TTLL11: variants seen among roughly 807,000 people sequenced by gnomAD.
The protein encoded by TTLL11 is tubulin polyglutamylase TTLL11.
TTLL11 carries 42 observed loss-of-function variants against 51.7 expected under a neutral mutation model. That is an observed-to-expected ratio of 0.81 (90% CI 0.64 to 1.05). The LOEUF (loss-of-function observed/expected upper bound fraction) is 1.05. TTLL11 is among the 50% of genes least tolerant of loss of function. The pLI is 0.00. For missense variants in TTLL11, 799 were observed against 940.4 expected, an observed-to-expected ratio of 0.85 and a Z score of 1.97; for synonymous variants, 381 against 383.5, an observed-to-expected ratio of 0.99 and a Z score of 0.08.
chr9:121,922,715 T>C (rs1356961322), intron 6 of TTLL11, among the ~76,000 whole-genome samples: 1 of 151,784 alleles, frequency 6.6e-6, no homozygotes, highest in Admixed American at 6.6e-5. Flanking sequence ...AACCTAGTCA[T>C]GTCCAAAAAG....
At chr9:121,954,640 A>C (rs1363559359) in intron 6 of TTLL11, among the ~76,000 whole-genome samples, 3 of 151,636 alleles carry the variant, frequency 2.0e-5, no homozygotes, top group Non-Finnish European at 4.4e-5. Context: ...GAGACTGTCA[A>C]GAACACATTC....
intron 2 of TTLL11, among the ~76,000 whole-genome samples, chr9:122,033,606 A>G (rs1844621264): frequency 6.6e-6 from 1 of 152,206 alleles, no homozygotes; most frequent in South Asian, 2.1e-4. Context: ...GGGCAGTCAG[A>G]ATGAATGAGT....
chr9:121,929,779 C>T (rs1350812890), intron 6 of TTLL11, among the ~76,000 whole-genome samples: 2 of 152,202 alleles, frequency 1.3e-5, no homozygotes, highest in Non-Finnish European at 2.9e-5. Context: ...CGGCCCTCTG[C>T]CCCTCTCCAG....
chr9:121,839,823 A>G (rs7039561), intron 8 of TTLL11, among the ~76,000 whole-genome samples: 105,974 of 152,042 alleles, frequency 0.7, 37,818 homozygotes, highest in African/African-American at 0.85. Flanking sequence ...AGGGCAGAGC[A>G]GTGCCCACTC....
chr9:122,045,374 G>A lies in TTLL11; in HGVS notation c.463-6006C>T, dbSNP rs554721185. Reference sequence around the variant, plus strand: ...TCAAGATCAGCCTGGCCAACATGGCGAAACTCTGTCTCTACTACAAATACA... The same window carrying A: ...TCAAGATCAGCCTGGCCAACATGGCAAAACTCTGTCTCTACTACAAATACA... On this transcript the variant is annotated intron_variant, in intron 1 of 8. Transcript: ENST00000321582. 1.5e-4 allele frequency among the ~76,000 whole-genome samples: 23 copies of A among 152,168 alleles called. 1 individual carries two copies. The South Asian group carries it at 3.9e-3, about 26-fold the overall frequency.
In TTLL11 at chr9:121,870,562, A is replaced by G; in HGVS notation, c.1668T>C (p.Phe556=). ...LRLVDRMANL[F]IRFLGIKGTM... ...TCCCCTTGATGCCCAGGAACCGGAT[A>G]AACAAATTTGCCATCCTGTCCACCA... Residue 556 remains phenylalanine (F), a synonymous_variant, in exon 7 of 9, where the codon TTT becomes TTC. Coordinates refer to ENST00000321582, the MANE Select transcript of TTLL11 (RefSeq NM_001139442.2). 6.4e-7 allele frequency: 1 copy of G among 1,551,716 alleles called. No homozygotes were observed. The highest frequency in any genetic ancestry group is 1.2e-5 in the South Asian group (1 of 84,054).
chr9:121,925,702 A>AGG (rs1172775361), intron 6 of TTLL11, among the ~76,000 whole-genome samples: 1 of 152,188 alleles, frequency 6.6e-6, no homozygotes, highest in Non-Finnish European at 1.5e-5. Flanking sequence ...GCTGGACTGC[A>AGG]AGTCAGCAGC....
chr9:122,089,049 C>A (rs1462537121), intron 1 of TTLL11, among the ~76,000 whole-genome samples: 2 of 149,166 alleles, frequency 1.3e-5, no homozygotes. Flanking sequence ...AAAAAGGAAG[C>A]GAGATTGTGT....
At chr9:121,926,829 G>A (rs1180277581) in intron 6 of TTLL11, among the ~76,000 whole-genome samples, 1 of 152,212 alleles carries the variant, frequency 6.6e-6, no homozygotes, top group Non-Finnish European at 1.5e-5. Context: ...CATAGCTGGG[G>A]TGGCACAGAA....
intron 4 of TTLL11, among the ~76,000 whole-genome samples, chr9:121,982,634 T>G (rs1293157200): frequency 6.8e-6 from 1 of 146,860 alleles, no homozygotes; most frequent in African/African-American, 2.5e-5. Context: ...GGCAGGAGAA[T>G]CGCTTGAACC....
At chr9:122,053,735 C>T (rs539791588) in intron 1 of TTLL11, among the ~76,000 whole-genome samples, 27 of 152,252 alleles carry the variant, frequency 1.8e-4, no homozygotes, top group Non-Finnish European at 3.2e-4. Flanking sequence ...CATGGCTCCG[C>T]GTGCAAGGAC....
At chr9:122,050,028 G>A (rs1176205923) in intron 1 of TTLL11, among the ~76,000 whole-genome samples, 3 of 152,042 alleles carry the variant, frequency 2.0e-5, no homozygotes, top group Non-Finnish European at 4.4e-5. Context: ...TCATGGCTAA[G>A]GTACCAAGCG....
intron 3 of TTLL11, among the ~76,000 whole-genome samples, chr9:122,014,291 G>A (rs1216517753): frequency 6.6e-6 from 1 of 152,102 alleles, no homozygotes. Flanking sequence ...CTCGAACCCA[G>A]GAGGCAGAGG....
chr9:121,897,906 CCT>C (rs944837147), intron 6 of TTLL11, among the ~76,000 whole-genome samples: 1 of 150,924 alleles, frequency 6.6e-6, no homozygotes, highest in African/African-American at 2.5e-5. Context: ...CCTTCCCTTC[CCT>C]CTCTTTCTTC....
Position 121,989,415 on chromosome 9 carries a change from T to C in TTLL11, c.1049A>G (p.His350Arg). The C allele has an allele frequency of 6.2e-7, 1 of 1,614,176 alleles. No homozygotes were observed. The highest frequency in any genetic ancestry group is 8.5e-7 in the Non-Finnish European group (1 of 1,180,036). Residue 350 changes from histidine (H) to arginine (R), a missense_variant, in exon 4 of 9, where the codon CAC becomes CGC. By Grantham distance (29) the His-to-Arg change is conservative (BLOSUM62 0). Coordinates refer to ENST00000321582, the MANE Select transcript of TTLL11 (RefSeq NM_001139442.2). The surrounding 1 kb of genome is among the most constrained non-coding windows in gnomAD (Gnocchi z 4.2). Reference protein sequence around the residue: ...MHLTNYSLNIHSGNFIHSDSA... With the variant: ...MHLTNYSLNIRSGNFIHSDSA... ...GTCCGAGTGGATGAAGTTGCCGCTGTGGATGTTCAGTGAATAGTTGGTTAA... is the reference window on the plus strand; with the variant it reads ...GTCCGAGTGGATGAAGTTGCCGCTGCGGATGTTCAGTGAATAGTTGGTTAA...
At chr9:122,073,385 G>A (rs1400917796) in intron 1 of TTLL11, among the ~76,000 whole-genome samples, 1 of 152,030 alleles carries the variant, frequency 6.6e-6, no homozygotes, top group African/African-American at 2.4e-5. Flanking sequence ...ACTCCAGCCT[G>A]GGCAACAAAG....
intron 6 of TTLL11, among the ~76,000 whole-genome samples, chr9:121,927,660 A>G (rs763189028): frequency 1.9e-4 from 28 of 150,130 alleles, no homozygotes; most frequent in Non-Finnish European, 3.7e-4. Flanking sequence ...AGGTGGGAGA[A>G]GGCAGAGAAG....
chr9:121,947,192 G>A (rs1350211186), intron 6 of TTLL11, among the ~76,000 whole-genome samples: 1 of 152,128 alleles, frequency 6.6e-6, no homozygotes, highest in African/African-American at 2.4e-5. Context: ...TTTTGAGCTG[G>A]TTGTTAAAAA....
At chr9:121,892,655 CAGA>C (rs1173502820) in intron 6 of TTLL11, among the ~76,000 whole-genome samples, 1 of 152,186 alleles carries the variant, frequency 6.6e-6, no homozygotes, top group Admixed American at 6.5e-5. Flanking sequence ...GCAACCCAAA[CAGA>C]AGAAATTTTA....
Sources: allele counts gnomAD v4.1 joint callset (sites outside exome capture counted in the v4.1 genomes callset), GRCh38; gene constraint gnomAD v4.1.1; non-coding constraint Gnocchi (gnomAD v3.1); transcripts MANE v1.5; gene names NCBI Gene and HGNC (gene_info 2026-07-23, HGNC 2026-07-21).